Variants in EAF2 observed in about 807,000 individuals in gnomAD.
EAF2 encodes ELL associated factor 2, also known as ELL-associated factor 2.
A neutral mutation model predicts 29.4 loss-of-function variants in EAF2; 29 were observed. That is an observed-to-expected ratio of 0.99 (90% CI 0.73 to 1.35). EAF2 has a LOEUF of 1.35. Ranked by LOEUF, EAF2 falls within the 40% of genes most tolerant of loss-of-function variation. The pLI is 0.00. For missense variants in EAF2, 292 were observed against 312.0 expected (o/e 0.94, Z 0.48); for synonymous variants, 103 against 102.5 (o/e 1.00, Z -0.03).
At chr3:121,838,001 G>A (rs903314567) in intron 1 of EAF2, among the ~76,000 whole-genome samples, 6 of 152,230 alleles carry the variant, frequency 3.9e-5, no homozygotes, top group African/African-American at 1.4e-4. Flanking sequence ...CTTAAATGAT[G>A]AGCTAATGAG....
intron 5 of EAF2, among the ~76,000 whole-genome samples, chr3:121,875,567 A>G (rs1709081379): frequency 1.3e-5 from 2 of 152,102 alleles, no homozygotes; most frequent in South Asian, 4.1e-4. Context: ...AGAAGAAAAA[A>G]GTCTAATGCT....
chr3:121,871,363 G>T (rs1709010721), intron 4 of EAF2, among the ~76,000 whole-genome samples: 1 of 151,836 alleles, frequency 6.6e-6, no homozygotes, highest in South Asian at 2.1e-4. Flanking sequence ...AGTCAAAATG[G>T]TGATTAGTGA....
intron 4 of EAF2, among the ~76,000 whole-genome samples, chr3:121,863,230 A>G (rs969503623): frequency 1.3e-5 from 2 of 152,240 alleles, no homozygotes; most frequent in African/African-American, 4.8e-5. Context: ...AGCTGTCAGC[A>G]GGGACGTTGA....
At chr3:121,846,040 ATT>A (rs1229551512) in intron 2 of EAF2, among the ~76,000 whole-genome samples, 1 of 152,062 alleles carries the variant, frequency 6.6e-6, no homozygotes, top group Non-Finnish European at 1.5e-5. Flanking sequence ...AAAATGCTGG[ATT>A]TTTTGAGATT....
rs1167466790 is a variant in EAF2 at position 121,840,515 on chromosome 3, A to AAAAAAAAAAAAAAAAAAAC, written c.107-3932_107-3931insAAAAAAAAAAAACAAAAAA. Among the ~76,000 whole-genome samples, 99 of 97,930 alleles carry AAAAAAAAAAAAAAAAAAAC rather than the reference A, an allele frequency of 1.0e-3. 15 individuals are homozygous for AAAAAAAAAAAAAAAAAAAC. Among genetic ancestry groups the AAAAAAAAAAAAAAAAAAAC allele is most frequent in the Non-Finnish European group, 1.4e-3 (70 of 49,130 alleles). The allele number at this position is 97,930 out of a possible 152,430, so 64.2% of individuals were successfully genotyped here. A position where few individuals can be genotyped will look rare whatever the true frequency, so the allele number is the denominator to read the frequency against. On this transcript the variant is annotated intron_variant, in intron 1 of 5. Transcript: ENST00000273668. ...AAAAAAAAAAAAAAAAAAAGAAAAA[A>AAAAAAAAAAAAAAAAAAAC]AAAAAACGGGCCGGGTGCGGTGGCT...
At chr3:121,840,683 T>A (rs1361699777) in intron 1 of EAF2, among the ~76,000 whole-genome samples, 1 of 150,408 alleles carries the variant, frequency 6.6e-6, no homozygotes, top group Non-Finnish European at 1.5e-5. Context: ...GACGGGCGCC[T>A]GTGGTCCCAG....
chr3:121,880,455 GGTGTGTGTGTGT>G (rs58834177), intron 5 of EAF2, among the ~76,000 whole-genome samples: 5 of 142,960 alleles, frequency 3.5e-5, no homozygotes, highest in South Asian at 2.3e-4. Context: ...AGTGTTTTGG[GGTGTGTGTGTGT>G]GTGTGTGTGT....
At chr3:121,840,805 C>CAAAAAA (rs5852282) in intron 1 of EAF2, among the ~76,000 whole-genome samples, 14 of 86,830 alleles carry the variant, frequency 1.6e-4, no homozygotes, top group Admixed American at 3.1e-4. Flanking sequence ...GACTCCGTCT[C>CAAAAAA]AAAAAAAAAA....
intron 4 of EAF2, among the ~76,000 whole-genome samples, chr3:121,869,554 A>G (rs1425238326): frequency 6.6e-6 from 1 of 152,180 alleles, no homozygotes; most frequent in Non-Finnish European, 1.5e-5. Context: ...TGAATTTACT[A>G]TAGATCCAGT....
At chr3:121,865,225 A>G (rs1026973618) in intron 4 of EAF2, among the ~76,000 whole-genome samples, 2 of 151,992 alleles carry the variant, frequency 1.3e-5, no homozygotes, top group African/African-American at 4.8e-5. Flanking sequence ...CCTGAGCAAC[A>G]TGGTGAAACC....
chr3:121,859,841 G>A (rs536704574), intron 4 of EAF2, among the ~76,000 whole-genome samples: 3 of 152,272 alleles, frequency 2.0e-5, no homozygotes, highest in East Asian at 1.9e-4. Flanking sequence ...TTTGAGATAC[G>A]TTCCATCAAT....
At chr3:121,877,345 A>G (rs1229432596) in intron 5 of EAF2, among the ~76,000 whole-genome samples, 3 of 152,024 alleles carry the variant, frequency 2.0e-5, no homozygotes, top group African/African-American at 7.2e-5. Context: ...ATCTGTAAAT[A>G]CATAATAGAC....
At chr3:121,857,711 T>C (rs1708746117) in intron 4 of EAF2, among the ~76,000 whole-genome samples, 2 of 152,198 alleles carry the variant, frequency 1.3e-5, no homozygotes, top group Admixed American at 1.3e-4. Context: ...CTAGGGTACA[T>C]GTACACAACG....
At chr3:121,875,661 A>G (rs909783778) in intron 5 of EAF2, among the ~76,000 whole-genome samples, 6 of 152,038 alleles carry the variant, frequency 3.9e-5, no homozygotes, top group Admixed American at 3.9e-4. Flanking sequence ...TAAGACAAAG[A>G]CATTTAAATA....
chr3:121,872,842 A>G, intron 5 of EAF2, 54 bp downstream of exon 5: 2 of 1,568,276 alleles, frequency 1.3e-6, no homozygotes, highest in East Asian at 2.3e-5. Context: ...TAGTGGAGCC[A>G]TATTGATTGT....
In EAF2 at chr3:121,875,477, A is replaced by G. The variant is rs567188756; in HGVS notation, c.736+2689A>G. Among the ~76,000 whole-genome samples the G allele has an allele frequency of 2.0e-5, 3 of 152,126 alleles. No homozygotes were observed. The South Asian group carries it at 6.2e-4, about 32-fold the overall frequency. On this transcript the variant is annotated intron_variant, in intron 5 of 5. Transcript: ENST00000273668. The stretch of plus-strand genomic sequence containing the variant: ...CTCAGAGGACTAGGTGGAACGAACT[A>G]CAAAACCCTGTCAGAGTGGTGTGAG...
intron 4 of EAF2, among the ~76,000 whole-genome samples, chr3:121,861,704 C>A (rs935738292): frequency 6.6e-6 from 1 of 152,092 alleles, no homozygotes; most frequent in Non-Finnish European, 1.5e-5. Flanking sequence ...TTAATTTGAT[C>A]CTGTCATTAT....
At chr3:121,884,282 G>A (rs1442496974) in intron 5 of EAF2, among the ~76,000 whole-genome samples, 1 of 147,074 alleles carries the variant, frequency 6.8e-6, no homozygotes, top group African/African-American at 2.5e-5. Context: ...AGAGGGTGCA[G>A]TGAGCTGAGA....
At chr3:121,886,193 A>G (rs1709280854) in intron 5 of EAF2, 149 bp from the exon 6 acceptor site, 1 of 370,754 alleles carries the variant, frequency 2.7e-6, no homozygotes, top group African/African-American at 2.1e-5. Context: ...TATTTGAGTT[A>G]CTAATTGTGT....
Sources: allele counts gnomAD v4.1 joint callset (sites outside exome capture counted in the v4.1 genomes callset), GRCh38; gene constraint gnomAD v4.1.1; transcripts MANE v1.5; gene names NCBI Gene and HGNC (gene_info 2026-07-23, HGNC 2026-07-21).